Variants in GPR19 observed in about 807,000 individuals in gnomAD.
GPR19 encodes the protein probable G protein-coupled receptor 19.
In GPR19, 14 loss-of-function variants were observed where a neutral mutation model predicts 28.5. The observed-to-expected ratio is 0.49, with a 90% CI of 0.32 to 0.77. GPR19 has a LOEUF of 0.77. Among genes scored for constraint, GPR19 ranks in the 30% least tolerant of loss-of-function variants. The pLI is 0.03. For missense variants in GPR19, 409 were observed against 504.1 expected (o/e 0.81, Z 1.81); for synonymous variants, 173 against 184.1 (o/e 0.94, Z 0.49).
intron 3 of GPR19, among the ~76,000 whole-genome samples, chr12:12,676,928 T>C (rs1477593417): frequency 6.6e-6 from 1 of 152,188 alleles, no homozygotes; most frequent in Non-Finnish European, 1.5e-5. Flanking sequence ...AAGTTCTGAC[T>C]TCAGTATCAA....
rs751847858 is a variant in GPR19, at chr12:12,661,833, A to G, written c.616T>C (p.Trp206Arg). The change falls in exon 4 of 4, where the codon TGG becomes CGG. Residue 206 changes from tryptophan to arginine, a missense_variant. By Grantham distance (101) the Trp-to-Arg change is moderately radical. Coordinates refer to ENST00000651487, the MANE Select transcript of GPR19 (RefSeq NM_006143.3). The surrounding 1 kb of genome is among the most constrained non-coding windows in gnomAD (Gnocchi z 4.2). ...AGGAAATAGTTACAATGACTGTCCC[A>G]GTTGGAGCCATAGAAAAAGAGCACA... is the stretch of plus-strand genomic sequence containing the variant. ...TPVLFFYGSN[W>R]DSHCNYFLPS... is the part of the protein sequence containing the mutation. 1 of 1,614,196 alleles carries G rather than the reference A, an allele frequency of 6.2e-7. No homozygotes were observed. The highest frequency in any genetic ancestry group is 1.3e-5 in the African/African-American group (1 of 75,048).
chr12:12,707,829 C>T, the GPR19 span, among the ~76,000 whole-genome samples: 1 of 151,536 alleles, frequency 6.6e-6, no homozygotes, highest in Non-Finnish European at 1.5e-5. Flanking sequence ...AGCGATCTTC[C>T]CACCTTGGCC....
intron 3 of GPR19, among the ~76,000 whole-genome samples, chr12:12,671,077 T>G (rs1443987197): frequency 6.6e-6 from 1 of 151,772 alleles, no homozygotes; most frequent in African/African-American, 2.4e-5. Flanking sequence ...GGTGGGCAGA[T>G]CATCTGAGGT....
intron 3 of GPR19, among the ~76,000 whole-genome samples, chr12:12,668,192 A>C (rs1945808881): frequency 6.6e-6 from 1 of 152,248 alleles, no homozygotes; most frequent in African/African-American, 2.4e-5. Context: ...GTGTTTACCT[A>C]GCAATCTTAT....
intron 1 of GPR19, among the ~76,000 whole-genome samples, 177 bp from the exon 2 acceptor site, chr12:12,695,688 C>T (rs1946251067): frequency 6.6e-6 from 1 of 152,212 alleles, no homozygotes; most frequent in Non-Finnish European, 1.5e-5. Context: ...ACCTTATATA[C>T]ACCATGTACT....
chr12:12,663,365 G>T (rs963682009), intron 3 of GPR19, among the ~76,000 whole-genome samples: 2 of 151,810 alleles, frequency 1.3e-5, no homozygotes, highest in Non-Finnish European at 2.9e-5. Context: ...GAAGGCTGAA[G>T]CAGGAGGATC....
At chr12:12,704,487 G>A in the GPR19 span, among the ~76,000 whole-genome samples, 1 of 152,214 alleles carries the variant, frequency 6.6e-6, no homozygotes, top group Non-Finnish European at 1.5e-5. Flanking sequence ...GGGCAACAGA[G>A]CGAGACTCTG....
the GPR19 span, chr12:12,716,935 C>T: frequency 2.0e-6 from 2 of 985,008 alleles, no homozygotes; most frequent in East Asian, 2.3e-4. Flanking sequence ...GGCAGCTCGC[C>T]ACCCCGGCTC....
At chr12:12,669,163 C>A (rs142915455) in intron 3 of GPR19, 1 of 152,360 alleles carries the variant, frequency 6.6e-6, no homozygotes, top group African/African-American at 2.4e-5. Flanking sequence ...AAATATGTGA[C>A]ATAGTGAACA....
chr12:12,702,816 T>C, the GPR19 span, among the ~76,000 whole-genome samples: 2 of 152,342 alleles, frequency 1.3e-5, no homozygotes, highest in East Asian at 3.9e-4. Context: ...ACCCCAGTGA[T>C]AAAGGTGTTA....
chr12:12,670,981 C>G (rs1277264292), intron 3 of GPR19, among the ~76,000 whole-genome samples: 1 of 151,972 alleles, frequency 6.6e-6, no homozygotes, highest in African/African-American at 2.4e-5. Context: ...TTGAATACGC[C>G]TTTTTCAAAA....
chr12:12,662,525 G>A, intron 3 of GPR19, 55 bp from the exon 4 acceptor site: 1 of 1,310,570 alleles, frequency 7.6e-7, no homozygotes, highest in Non-Finnish European at 1.1e-6. Flanking sequence ...CATACAGATT[G>A]GTTATGATTA....
chr12:12,692,240 A>G (rs1262425276), intron 2 of GPR19, among the ~76,000 whole-genome samples: 3 of 152,202 alleles, frequency 2.0e-5, no homozygotes, highest in Non-Finnish European at 4.4e-5. Flanking sequence ...CTCTACTTCT[A>G]TGAATTTTTC....
At chr12:12,688,768 G>A (rs1946132250) in intron 2 of GPR19, 1 of 152,268 alleles carries the variant, frequency 6.6e-6, no homozygotes, top group African/African-American at 2.4e-5. Context: ...GGGGCCAGGG[G>A]TACTGAGTCT....
At chr12:12,677,023 A>G (rs1945941423) in intron 3 of GPR19, among the ~76,000 whole-genome samples, 1 of 152,172 alleles carries the variant, frequency 6.6e-6, no homozygotes, top group African/African-American at 2.4e-5. Context: ...GAGGTGAAGG[A>G]CTTGTTAAGA....
chr12:12,694,625 G>C (rs1324400127), intron 2 of GPR19, among the ~76,000 whole-genome samples: 3 of 152,088 alleles, frequency 2.0e-5, no homozygotes, highest in Non-Finnish European at 4.4e-5. Flanking sequence ...ACCTCATTTT[G>C]TCATTACAAT....
upstream of GPR19, among the ~76,000 whole-genome samples, chr12:12,698,300 GA>G (rs1228102139): frequency 1.3e-5 from 2 of 152,176 alleles, no homozygotes; most frequent in African/African-American, 4.8e-5. Context: ...CCGTGACTCA[GA>G]AAATATACTT....
upstream of GPR19, among the ~76,000 whole-genome samples, chr12:12,700,850 T>G (rs1339148866): frequency 6.6e-6 from 1 of 152,172 alleles, no homozygotes; most frequent in South Asian, 2.1e-4. Context: ...TCAATAAATT[T>G]TATATTGATT....
At chr12:12,712,138 G>A in the GPR19 span, among the ~76,000 whole-genome samples, 3 of 152,182 alleles carry the variant, frequency 2.0e-5, no homozygotes, top group African/African-American at 7.2e-5. Context: ...CTACACCTTT[G>A]CGGCTCAGGA....
Sources: allele counts gnomAD v4.1 joint callset (sites outside exome capture counted in the v4.1 genomes callset), GRCh38; gene constraint gnomAD v4.1.1; non-coding constraint Gnocchi (gnomAD v3.1); transcripts MANE v1.5; gene names NCBI Gene and HGNC (gene_info 2026-07-23, HGNC 2026-07-21).